The following PCDH15 variants were observed in gnomAD, a reference collection of about 807,000 sequenced individuals.
PCDH15 encodes protocadherin-15.
Under a neutral mutation model 178.5 loss-of-function variants are expected in PCDH15, and 129 were observed. That is an observed-to-expected ratio of 0.72 (90% confidence interval 0.63 to 0.84). PCDH15 has a LOEUF of 0.84. Among genes scored for constraint, PCDH15 ranks in the 40% least tolerant of loss-of-function variants. The probability of loss-of-function intolerance (pLI) is 0.00; values close to 1 mark genes in which losing one functional copy is unlikely to be tolerated. For synonymous variants in PCDH15, 800 were observed against 732.0 expected (o/e 1.09, Z -1.50); for missense variants, 2,230 against 2,099.9 (o/e 1.06, Z -1.21).
At chr10:55,021,812 A>T (rs886833594) in intron 2 of PCDH15, among the ~76,000 whole-genome samples, 1 of 152,118 alleles carries the variant, frequency 6.6e-6, no homozygotes, top group Admixed American at 6.6e-5. Context: ...ATTAAGAAGT[A>T]ATAAATGGGT....
intron 1 of PCDH15, among the ~76,000 whole-genome samples, chr10:55,223,160 A>T (rs946179337): frequency 1.3e-5 from 2 of 151,954 alleles, no homozygotes; most frequent in African/African-American, 4.8e-5. Context: ...AATTTTATTT[A>T]TTTTCATTTA....
At chr10:54,105,518 T>A (rs1014932416) in intron 15 of PCDH15, among the ~76,000 whole-genome samples, 1 of 151,878 alleles carries the variant, frequency 6.6e-6, no homozygotes, top group Non-Finnish European at 1.5e-5. Context: ...GCAGGAAGCA[T>A]CCAGCACAGG....
intron 1 of PCDH15, among the ~76,000 whole-genome samples, chr10:54,792,780 C>A (rs534813570): frequency 7.9e-5 from 12 of 151,868 alleles, no homozygotes; most frequent in African/African-American, 1.9e-4. Flanking sequence ...AAATAGGTAA[C>A]CTATTTGTCA....
At chr10:55,458,576 A>T (rs1022808056) in intron 2 of PCDH15, among the ~76,000 whole-genome samples, 1 of 152,066 alleles carries the variant, frequency 6.6e-6, no homozygotes, top group Non-Finnish European at 1.5e-5. Context: ...TGGCAAATAA[A>T]TAAGAAACAC....
At chr10:54,982,054 G>A (rs1307081440) in intron 2 of PCDH15, among the ~76,000 whole-genome samples, 3 of 151,908 alleles carry the variant, frequency 2.0e-5, no homozygotes, top group South Asian at 4.1e-4. Flanking sequence ...ACAGGAGTGA[G>A]CCACTGCACC....
At chr10:55,519,093 CAAAAAAAAAAAAA>C (rs33942260) in intron 2 of PCDH15, among the ~76,000 whole-genome samples, 4 of 66,192 alleles carry the variant, frequency 6.0e-5, no homozygotes, top group Admixed American at 2.0e-4. Context: ...GATTTCGTCT[CAAAAAAAAAAAAA>C]AAAAAAAAAA....
intron 1 of PCDH15, among the ~76,000 whole-genome samples, chr10:54,748,881 T>G (rs1381505998): frequency 6.6e-6 from 1 of 152,216 alleles, no homozygotes; most frequent in African/African-American, 2.4e-5. Flanking sequence ...ATAAGACGCG[T>G]TGCTCCCTTG....
chr10:53,911,995 A>C (rs1455853578), intron 25 of PCDH15, among the ~76,000 whole-genome samples: 1 of 152,198 alleles, frequency 6.6e-6, no homozygotes, highest in African/African-American at 2.4e-5. Context: ...CACAACAAAA[A>C]AAGAGAATTT....
intron 15 of PCDH15, among the ~76,000 whole-genome samples, chr10:54,126,604 TTAATA>T (rs776845418): frequency 4.5e-4 from 69 of 152,132 alleles, no homozygotes; most frequent in Non-Finnish European, 7.8e-4. Flanking sequence ...CTTAATTAAT[TTAATA>T]TAATAAACTA....
At chr10:54,812,126 T>C (rs1012027060) in intron 3 of PCDH15, among the ~76,000 whole-genome samples, 1 of 152,246 alleles carries the variant, frequency 6.6e-6, no homozygotes, top group East Asian at 1.9e-4. Context: ...ATAAAACATT[T>C]TTATAAAACA....
chr10:54,517,765 T>C (rs552040141), intron 3 of PCDH15, among the ~76,000 whole-genome samples: 16 of 152,314 alleles, frequency 1.1e-4, no homozygotes, highest in Middle Eastern at 3.4e-3. Context: ...TACATTTTTT[T>C]CAGCACCACA....
chr10:54,178,710 C>A (rs2047680869), intron 13 of PCDH15, among the ~76,000 whole-genome samples: 1 of 137,098 alleles, frequency 7.3e-6, no homozygotes, highest in Non-Finnish European at 1.6e-5. Flanking sequence ...ACAATGAACT[C>A]AAACAAATTT....
At chr10:54,457,538 C>G (rs2076908025) in intron 3 of PCDH15, among the ~76,000 whole-genome samples, 1 of 152,154 alleles carries the variant, frequency 6.6e-6, no homozygotes, top group South Asian at 2.1e-4. Context: ...GGACCACCTG[C>G]TATTGCTCTC....
chr10:54,342,704 G>T (rs1942482819), intron 6 of PCDH15, among the ~76,000 whole-genome samples: 1 of 152,198 alleles, frequency 6.6e-6, no homozygotes, highest in East Asian at 1.9e-4. Flanking sequence ...CTCAATGCCA[G>T]CCTGAGAAGG....
chr10:55,019,634 C>T (rs527608340), intron 2 of PCDH15, among the ~76,000 whole-genome samples: 88 of 152,236 alleles, frequency 5.8e-4, no homozygotes, highest in Non-Finnish European at 1.1e-3. Context: ...AAGAAATAAA[C>T]TGCCCTTTGT....
At chr10:55,572,452 A>T (rs1467072535) in intron 2 of PCDH15, among the ~76,000 whole-genome samples, 3 of 151,178 alleles carry the variant, frequency 2.0e-5, no homozygotes, top group Admixed American at 1.3e-4. Flanking sequence ...ATTTTTAAAT[A>T]TTAATTATTA....
At chr10:54,981,568 GATA>G (rs1839232496) in intron 2 of PCDH15, among the ~76,000 whole-genome samples, 1 of 152,144 alleles carries the variant, frequency 6.6e-6, no homozygotes, top group South Asian at 2.1e-4. Flanking sequence ...ATTGCCAAGA[GATA>G]ATAACGAAGA....
intron 30 of PCDH15, among the ~76,000 whole-genome samples, chr10:53,830,508 A>G (rs1439284067): frequency 2.0e-5 from 3 of 151,800 alleles, no homozygotes; most frequent in Non-Finnish European, 4.4e-5. Flanking sequence ...CAGCTCCCCA[A>G]TTTTTTCAAG....
intron 10 of PCDH15, among the ~76,000 whole-genome samples, chr10:54,207,805 C>T (rs541069118): frequency 4.6e-5 from 7 of 152,202 alleles, no homozygotes; most frequent in South Asian, 4.1e-4. Flanking sequence ...CATTTACTTA[C>T]TCTGTTACAC....
Sources: gnomAD v4.1 joint callset for allele counts (sites outside exome capture counted in the v4.1 genomes callset) on GRCh38, gnomAD v4.1.1 for gene constraint, MANE v1.5 for transcripts, NCBI Gene and HGNC (gene_info 2026-07-23, HGNC 2026-07-21) for gene names.